The following HOMER2 variants were observed in gnomAD, a reference collection of about 807,000 sequenced individuals.
HOMER2 encodes homer protein homolog 2.
Under a neutral mutation model 47.0 loss-of-function variants are expected in HOMER2, and 27 were observed. The ratio of observed to expected loss-of-function variants is 0.57; its 90% CI spans 0.42 to 0.79. HOMER2 has a LOEUF of 0.79. HOMER2 is among the 30% of genes least tolerant of loss of function. The probability of loss-of-function intolerance (pLI) is 0.00; values close to 1 mark genes in which losing one functional copy is unlikely to be tolerated. For missense variants in HOMER2, 443 were observed against 435.0 expected (o/e 1.02, Z -0.16); for synonymous variants, 161 against 163.8 (o/e 0.98, Z 0.13).
intron 1 of HOMER2, among the ~76,000 whole-genome samples, chr15:82,961,215 C>T: frequency 6.6e-6 from 1 of 152,338 alleles, no homozygotes; most frequent in African/African-American, 2.4e-5. Flanking sequence ...TCTACTCACA[C>T]AAAGCAAGAG....
chr15:82,960,000 G>A (rs1326283108), intron 1 of HOMER2, among the ~76,000 whole-genome samples: 1 of 152,178 alleles, frequency 6.6e-6, no homozygotes, highest in East Asian at 1.9e-4. Context: ...ATTTGCCTCC[G>A]ATTGGCAGCA....
At chr15:82,902,357 C>G (rs1301141738) in intron 1 of HOMER2, among the ~76,000 whole-genome samples, 2 of 151,992 alleles carry the variant, frequency 1.3e-5, no homozygotes, top group Non-Finnish European at 2.9e-5. Context: ...GCCACCACGC[C>G]CGGCTAATTT....
chr15:82,896,003 G>T (rs2052901106), intron 1 of HOMER2, among the ~76,000 whole-genome samples: 1 of 152,292 alleles, frequency 6.6e-6, no homozygotes, highest in South Asian at 2.1e-4. Context: ...CCTAGAGCCA[G>T]CATCTCTACT....
intron 1 of HOMER2, chr15:82,985,721 C>T (rs1302131373): frequency 1.3e-5 from 2 of 152,246 alleles, no homozygotes; most frequent in African/African-American, 4.8e-5. Flanking sequence ...ACGACTGAAG[C>T]TGGAGCAGAG....
At chr15:82,906,153 A>T (rs995638285) in intron 1 of HOMER2, among the ~76,000 whole-genome samples, 3 of 151,858 alleles carry the variant, frequency 2.0e-5, no homozygotes, top group Admixed American at 6.5e-5. Context: ...ACTCTATGGC[A>T]GCCAGTAAAA....
intron 1 of HOMER2, among the ~76,000 whole-genome samples, chr15:82,970,486 T>A (rs1434017469): frequency 6.6e-6 from 1 of 152,258 alleles, no homozygotes; most frequent in Non-Finnish European, 1.5e-5. Flanking sequence ...AATTCTTTTT[T>A]TATCTTTGGT....
chr15:82,879,478 C>T (rs1463620386), intron 2 of HOMER2, among the ~76,000 whole-genome samples: 1 of 151,872 alleles, frequency 6.6e-6, no homozygotes. Context: ...GCCTGGGTGA[C>T]AAAAGTGAGA....
chr15:82,868,866 T>C lies in HOMER2; in HGVS notation c.295-4607A>G, dbSNP rs1473250115. Among the ~76,000 whole-genome samples the C allele has an allele frequency of 2.0e-5, 3 of 151,936 alleles. No individual in the cohort carries two copies. In the East Asian group the frequency reaches 5.8e-4, roughly 29 times the overall value. ...GCGCTCAGCTATATATATATATATA[T>C]ATTTAGACCTACAGTCCCATTGAGG... On this transcript the variant is annotated intron_variant, in intron 3 of 8. Coordinates refer to ENST00000450735, the MANE Select transcript of HOMER2 (RefSeq NM_004839.4).
intron 4 of HOMER2, among the ~76,000 whole-genome samples, chr15:82,861,732 T>C (rs1043901896): frequency 1.6e-4 from 25 of 152,054 alleles, no homozygotes; most frequent in African/African-American, 5.8e-4. Flanking sequence ...AAGGGCCGGG[T>C]GCAGTGGCTC....
chr15:82,952,994 G>T (rs901711019), upstream of HOMER2, among the ~76,000 whole-genome samples: 1 of 152,192 alleles, frequency 6.6e-6, no homozygotes, highest in African/African-American at 2.4e-5. Flanking sequence ...TCAACATCCT[G>T]CCTGATGGAC....
intron 1 of HOMER2, among the ~76,000 whole-genome samples, chr15:82,981,786 G>A (rs957901125): frequency 2.6e-5 from 4 of 152,158 alleles, no homozygotes; most frequent in Non-Finnish European, 5.9e-5. Context: ...ACTTGCATGA[G>A]GTACCTAGAG....
intron 7 of HOMER2, among the ~76,000 whole-genome samples, chr15:82,851,614 C>T (rs1312981003): frequency 9.2e-5 from 14 of 152,056 alleles, no homozygotes; most frequent in Admixed American, 7.2e-4. Flanking sequence ...TGGCTGGCGC[C>T]GGGAGCTGGG....
intron 2 of HOMER2, 142 bp downstream of exon 2, chr15:82,892,543 G>C: frequency 1.7e-6 from 1 of 594,572 alleles, no homozygotes; most frequent in Non-Finnish European, 2.7e-6. Flanking sequence ...CCCATTTACC[G>C]TAAGTTTAAA....
intron 5 of HOMER2, among the ~76,000 whole-genome samples, chr15:82,855,927 A>G (rs1308534093): frequency 1.3e-5 from 2 of 152,140 alleles, no homozygotes; most frequent in Non-Finnish European, 2.9e-5. Context: ...ATGTGACTGG[A>G]GGTGACAGGG....
chr15:82,850,702 C>T (rs976983627), intron 8 of HOMER2, among the ~76,000 whole-genome samples: 1 of 152,174 alleles, frequency 6.6e-6, no homozygotes, highest in African/African-American at 2.4e-5. Context: ...AGGGAAGAGG[C>T]GCTCCGAGGT....
At chr15:82,860,819 C>A (rs2051747696) in intron 4 of HOMER2, among the ~76,000 whole-genome samples, 1 of 152,024 alleles carries the variant, frequency 6.6e-6, no homozygotes, top group African/African-American at 2.4e-5. Context: ...CGCCTGTAAT[C>A]CCAGCTAATG....
At chr15:82,863,699 A>G (rs2051868621) in intron 4 of HOMER2, among the ~76,000 whole-genome samples, 1 of 152,230 alleles carries the variant, frequency 6.6e-6, no homozygotes, top group South Asian at 2.1e-4. Context: ...TAGACAGACT[A>G]CTGAATTCCT....
intron 1 of HOMER2, among the ~76,000 whole-genome samples, chr15:82,899,299 T>C (rs2053037149): frequency 6.6e-6 from 1 of 152,218 alleles, no homozygotes; most frequent in Non-Finnish European, 1.5e-5. Flanking sequence ...TAGCATCTTG[T>C]GAAGTCTGAT....
intron 1 of HOMER2, among the ~76,000 whole-genome samples, chr15:82,911,392 C>T (rs1567049065): frequency 6.6e-6 from 1 of 152,088 alleles, no homozygotes; most frequent in Non-Finnish European, 1.5e-5. Context: ...CCTAGTACCA[C>T]TTCTAGAAGC....
Sources: allele counts gnomAD v4.1 joint callset (sites outside exome capture counted in the v4.1 genomes callset), GRCh38; gene constraint gnomAD v4.1.1; transcripts MANE v1.5; gene names NCBI Gene and HGNC (gene_info 2026-07-23, HGNC 2026-07-21).